Variants in FAAH2 observed in about 807,000 individuals in gnomAD.
FAAH2 encodes the protein fatty acid amide hydrolase 2.
A neutral mutation model predicts 36.9 loss-of-function variants in FAAH2; 60 were observed. The observed-to-expected ratio is 1.63, with a 90% CI of 1.32 to 2.02. The LOEUF is 2.02. Ranked by LOEUF, FAAH2 falls within the 30% of genes most tolerant of loss-of-function variation. The pLI is 0.00. For synonymous variants in FAAH2, 214 were observed against 143.8 expected (o/e 1.49, Z -3.49); for missense variants, 689 against 397.5 (o/e 1.73, Z -6.23).
At chrX:57,321,467 T>TATA (rs1313145872) in intron 3 of FAAH2, among the ~76,000 whole-genome samples, 1 of 109,928 alleles carries the variant, frequency 9.1e-6, no homozygotes, top group Non-Finnish European at 1.9e-5. Context: ...TAACTTATAG[T>TATA]ATAATAATAA....
chrX:57,206,693 G>T, the FAAH2 span, among the ~76,000 whole-genome samples: 2,849 of 111,971 alleles, frequency 0.025, 83 homozygotes, highest in African/African-American at 0.088. Context: ...CAGCTAAGGG[G>T]ATAGTAAAGA....
chrX:57,479,778 T>C (rs2057343673), intron 10 of FAAH2, among the ~76,000 whole-genome samples: 1 of 111,829 alleles, frequency 8.9e-6, no homozygotes, highest in South Asian at 3.8e-4. Context: ...GTTTATTTAT[T>C]GATTTTCGTA....
chrX:57,292,450 A>G, intron 1 of FAAH2, 48 bp from the exon 2 acceptor site: 1 of 1,073,489 alleles, frequency 9.3e-7, no homozygotes, highest in Non-Finnish European at 1.3e-6. Flanking sequence ...TGTTGAATGA[A>G]TTGTTTAGTG....
At chrX:57,332,913 G>C (rs2053446981) in intron 4 of FAAH2, among the ~76,000 whole-genome samples, 1 of 111,689 alleles carries the variant, frequency 9.0e-6, no homozygotes, top group African/African-American at 3.3e-5. Flanking sequence ...TGACCTAGGG[G>C]AAATGAAATA....
At chrX:57,251,542 G>A in the FAAH2 span, among the ~76,000 whole-genome samples, 10 of 111,632 alleles carry the variant, frequency 9.0e-5, no homozygotes, top group Non-Finnish European at 1.9e-4. Flanking sequence ...ATCCAAATTG[G>A]AAACGAGTTA....
At chrX:57,442,773 C>T (rs192233255) in intron 8 of FAAH2, among the ~76,000 whole-genome samples, 244 of 111,720 alleles carry the variant, frequency 2.2e-3, no homozygotes, top group African/African-American at 7.2e-3. Flanking sequence ...ATGTTTAGTG[C>T]TTCCTTCAGG....
chrX:57,167,779 A>G, the FAAH2 span, among the ~76,000 whole-genome samples: 6 of 111,267 alleles, frequency 5.4e-5, no homozygotes, highest in African/African-American at 2.0e-4. Flanking sequence ...AATATATACT[A>G]GGTATTGTAT....
intron 3 of FAAH2, among the ~76,000 whole-genome samples, chrX:57,311,403 A>T (rs2052689000): frequency 8.9e-6 from 1 of 112,106 alleles, no homozygotes; most frequent in Non-Finnish European, 1.9e-5. Flanking sequence ...CCTCACCTTC[A>T]CCAGGAATCT....
In FAAH2 at chrX:57,449,156, A is replaced by G. The variant is rs776726457; in HGVS notation, c.1423+438A>G. 7.1e-5 allele frequency among the ~76,000 whole-genome samples: 8 copies of G among 112,120 alleles called. No homozygotes were observed. In the South Asian group the frequency reaches 2.9e-3, roughly 41 times the overall value. The stretch of plus-strand genomic sequence containing the variant: ...TTAGCTATCATCCCCTTTGAATTCA[A>G]TTCATTCTATTCACCAAACTAATTT... On this transcript the variant is annotated intron_variant, in intron 10 of 10. Transcript: ENST00000374900.
intron 10 of FAAH2, among the ~76,000 whole-genome samples, chrX:57,477,653 C>T (rs1031376843): frequency 2.0e-5 from 2 of 102,149 alleles, no homozygotes; most frequent in Admixed American, 2.2e-4. Context: ...CCCAACCCCA[C>T]AACAGGCCCC....
At chrX:57,341,780 A>T (rs1218554794) in intron 5 of FAAH2, among the ~76,000 whole-genome samples, 2 of 111,538 alleles carry the variant, frequency 1.8e-5, no homozygotes, top group African/African-American at 6.5e-5. Context: ...CCACTGTACT[A>T]AAATGACTTA....
chrX:57,307,226 A>T (rs2052568951), intron 2 of FAAH2, among the ~76,000 whole-genome samples: 1 of 106,700 alleles, frequency 9.4e-6, no homozygotes, highest in African/African-American at 3.3e-5. Context: ...AATAAGAAGC[A>T]TTAGTAGTAT....
the FAAH2 span, among the ~76,000 whole-genome samples, chrX:57,144,336 T>C: frequency 1.0e-5 from 1 of 97,743 alleles, no homozygotes; most frequent in East Asian, 3.3e-4. Context: ...ATTCTTGTAT[T>C]TGGATATTTA....
At chrX:57,225,318 G>T in the FAAH2 span, among the ~76,000 whole-genome samples, 1 of 110,932 alleles carries the variant, frequency 9.0e-6, no homozygotes, top group Non-Finnish European at 1.9e-5. Flanking sequence ...AGCTGTATCC[G>T]AAAGTTTTTG....
chrX:57,155,218 C>T, the FAAH2 span, among the ~76,000 whole-genome samples: 1 of 111,355 alleles, frequency 9.0e-6, no homozygotes, highest in Non-Finnish European at 1.9e-5. Context: ...AGGTGGGGCC[C>T]TAGTGCTCCC....
At chrX:57,329,464 A>T (rs1403068338) in intron 3 of FAAH2, among the ~76,000 whole-genome samples, 1 of 110,607 alleles carries the variant, frequency 9.0e-6, no homozygotes, top group Non-Finnish European at 1.9e-5. Flanking sequence ...CACTGAAAGT[A>T]GGTACTGTTG....
At chrX:57,183,985 G>T in the FAAH2 span, among the ~76,000 whole-genome samples, 51 of 110,715 alleles carry the variant, frequency 4.6e-4, no homozygotes, top group Admixed American at 8.7e-4. Flanking sequence ...TGAGGACTGA[G>T]ATATGCCCTG....
the FAAH2 span, among the ~76,000 whole-genome samples, chrX:57,171,934 A>G: frequency 8.9e-6 from 1 of 111,983 alleles, no homozygotes; most frequent in Non-Finnish European, 1.9e-5. Context: ...TGATTTCTGT[A>G]CAAGGTAAGC....
the FAAH2 span, among the ~76,000 whole-genome samples, chrX:57,229,668 T>C: frequency 9.0e-6 from 1 of 111,442 alleles, no homozygotes; most frequent in African/African-American, 3.3e-5. Flanking sequence ...TCTTGTCTTT[T>C]TTAGAGATCT....
Sources: allele counts gnomAD v4.1 joint callset (sites outside exome capture counted in the v4.1 genomes callset), GRCh38; gene constraint gnomAD v4.1.1; transcripts MANE v1.5; gene names NCBI Gene and HGNC (gene_info 2026-07-23, HGNC 2026-07-21).